The following AUTS2 variants were observed in gnomAD, a reference collection of about 807,000 sequenced individuals.
AUTS2 encodes activator of transcription and developmental regulator AUTS2, also known as autism susceptibility gene 2 protein.
AUTS2 carries 17 observed loss-of-function variants against 112.4 expected under a neutral mutation model. That is an observed-to-expected ratio of 0.15 (90% CI 0.10 to 0.23). AUTS2 has a LOEUF of 0.23. Ranked by LOEUF, AUTS2 falls within the 10% of genes least tolerant of loss-of-function variation. The probability of loss-of-function intolerance (pLI) is 1.00; values close to 1 mark genes in which losing one functional copy is unlikely to be tolerated. For missense variants in AUTS2, 1,510 were observed against 1,701.6 expected, an observed-to-expected ratio of 0.89 and a Z score of 1.98; for synonymous variants, 751 against 702.7, an observed-to-expected ratio of 1.07 and a Z score of -1.09.
chr7:70,689,215 GC>G (rs1276861686), intron 5 of AUTS2, among the ~76,000 whole-genome samples: 1 of 152,028 alleles, frequency 6.6e-6, no homozygotes, highest in Non-Finnish European at 1.5e-5. Flanking sequence ...TAAAAAATTA[GC>G]CAGATGTGTT....
At chr7:70,171,246 C>T (rs184264907) in intron 4 of AUTS2, among the ~76,000 whole-genome samples, 1 of 152,224 alleles carries the variant, frequency 6.6e-6, no homozygotes, top group African/African-American at 2.4e-5. Flanking sequence ...AACTCACAGA[C>T]GTTGATAAGA....
chr7:70,577,757 C>T (rs1802232042), intron 5 of AUTS2, among the ~76,000 whole-genome samples: 1 of 152,012 alleles, frequency 6.6e-6, no homozygotes, highest in South Asian at 2.1e-4. Flanking sequence ...TGTTTTTTTC[C>T]CCAACTGTGG....
intron 5 of AUTS2, among the ~76,000 whole-genome samples, chr7:70,512,921 G>C (rs1047643503): frequency 6.6e-6 from 1 of 151,794 alleles, no homozygotes; most frequent in Non-Finnish European, 1.5e-5. Flanking sequence ...ACAAGTGAGC[G>C]TGGCAGGGAT....
intron 1 of AUTS2, among the ~76,000 whole-genome samples, chr7:69,812,114 G>A (rs1026875610): frequency 6.6e-6 from 1 of 152,124 alleles, no homozygotes; most frequent in Non-Finnish European, 1.5e-5. Flanking sequence ...GAAAACATAT[G>A]CCAGCCCTCT....
intron 6 of AUTS2, among the ~76,000 whole-genome samples, chr7:70,713,249 A>G (rs989039272): frequency 6.6e-6 from 1 of 152,252 alleles, no homozygotes; most frequent in African/African-American, 2.4e-5. Context: ...CACACAACAC[A>G]CACACATACT....
At chr7:69,841,615 A>C (rs572163923) in intron 1 of AUTS2, among the ~76,000 whole-genome samples, 1 of 152,242 alleles carries the variant, frequency 6.6e-6, no homozygotes, top group Non-Finnish European at 1.5e-5. Flanking sequence ...CATTCTCAAG[A>C]AAACTGGTAT....
chr7:70,157,627 T>A (rs1807852516), intron 4 of AUTS2, among the ~76,000 whole-genome samples: 1 of 152,200 alleles, frequency 6.6e-6, no homozygotes, highest in African/African-American at 2.4e-5. Flanking sequence ...TTTCTGTTGT[T>A]CATTCTCTTC....
chr7:70,776,136 T>C (rs1224624887), intron 13 of AUTS2, among the ~76,000 whole-genome samples: 2 of 152,234 alleles, frequency 1.3e-5, no homozygotes, highest in African/African-American at 4.8e-5. Flanking sequence ...AGAAGAGAAC[T>C]GACCCAGACT....
At chr7:70,367,084 A>G (rs1289830742) in intron 4 of AUTS2, among the ~76,000 whole-genome samples, 2 of 152,116 alleles carry the variant, frequency 1.3e-5, no homozygotes, top group Non-Finnish European at 2.9e-5. Flanking sequence ...CAGGAGTTTT[A>G]GACCAGCCTC....
chr7:70,508,351 G>A (rs555181602), intron 5 of AUTS2, among the ~76,000 whole-genome samples: 25 of 152,158 alleles, frequency 1.6e-4, no homozygotes, highest in Non-Finnish European at 3.4e-4. Context: ...GGAGAAGTGT[G>A]GCTTTTTTTC....
chr7:70,274,643 C>T (rs1233385127), intron 4 of AUTS2, among the ~76,000 whole-genome samples: 3 of 152,034 alleles, frequency 2.0e-5, no homozygotes, highest in South Asian at 4.2e-4. Context: ...AGAGAGAGAG[C>T]GCAGGTTGAT....
intron 5 of AUTS2, among the ~76,000 whole-genome samples, chr7:70,676,439 A>G (rs755328639): frequency 2.6e-5 from 4 of 150,958 alleles, no homozygotes; most frequent in Non-Finnish European, 4.4e-5. Flanking sequence ...CTCAAAAAAT[A>G]AAGAGAGAGA....
At chr7:69,891,155 G>C (rs1199273289) in intron 1 of AUTS2, among the ~76,000 whole-genome samples, 1 of 152,082 alleles carries the variant, frequency 6.6e-6, no homozygotes, top group Non-Finnish European at 1.5e-5. Context: ...ATCTCTCCCA[G>C]GAAGCCACTA....
chr7:70,578,279 A>G (rs568328186), intron 5 of AUTS2, among the ~76,000 whole-genome samples: 1 of 152,228 alleles, frequency 6.6e-6, no homozygotes, highest in Non-Finnish European at 1.5e-5. Context: ...CCTGCTATCT[A>G]TGGTTTGTTA....
At chr7:70,352,771 C>T (rs1285729417) in intron 4 of AUTS2, among the ~76,000 whole-genome samples, 3 of 151,992 alleles carry the variant, frequency 2.0e-5, no homozygotes, top group East Asian at 1.9e-4. Context: ...TTAAAAAAAG[C>T]GAAGAGGCTG....
intron 1 of AUTS2, among the ~76,000 whole-genome samples, chr7:69,647,019 C>T (rs997607589): frequency 1.3e-5 from 2 of 152,094 alleles, no homozygotes; most frequent in Non-Finnish European, 2.9e-5. Flanking sequence ...ACCCGGGAGG[C>T]GGAGCTTGCA....
intron 4 of AUTS2, among the ~76,000 whole-genome samples, chr7:70,135,960 A>G (rs1383665026): frequency 1.3e-5 from 2 of 152,182 alleles, no homozygotes; most frequent in Non-Finnish European, 2.9e-5. Context: ...AGCAGAAAGA[A>G]GGCCAAAGCC....
intron 1 of AUTS2, among the ~76,000 whole-genome samples, chr7:69,649,073 C>T (rs1795170718): frequency 1.3e-5 from 2 of 152,138 alleles, no homozygotes; most frequent in African/African-American, 2.4e-5. Flanking sequence ...CAGTCATTTT[C>T]CATGGCATTT....
intron 5 of AUTS2, among the ~76,000 whole-genome samples, chr7:70,661,787 G>A (rs758158177): frequency 2.6e-5 from 4 of 152,066 alleles, no homozygotes; most frequent in East Asian, 3.9e-4. Context: ...TGTGTTGCAC[G>A]AGCAGGGCCT....
Sources: gnomAD v4.1 joint callset for allele counts (sites outside exome capture counted in the v4.1 genomes callset) on GRCh38, gnomAD v4.1.1 for gene constraint, MANE v1.5 for transcripts, NCBI Gene and HGNC (gene_info 2026-07-23, HGNC 2026-07-21) for gene names.